Variants in ESYT3 observed in about 807,000 individuals in gnomAD.
The protein encoded by ESYT3 is extended synaptotagmin 3.
In ESYT3, 101 loss-of-function variants were observed where a neutral mutation model predicts 111.5. That is an observed-to-expected ratio of 0.91 (90% CI 0.77 to 1.07). The LOEUF (loss-of-function observed/expected upper bound fraction) is 1.07. Among genes scored for constraint, ESYT3 ranks in the 50% least tolerant of loss-of-function variants. The pLI, the probability that ESYT3 is intolerant of heterozygous loss-of-function variation, is 0.00. For missense variants in ESYT3, 1,097 were observed against 1,109.4 expected (o/e 0.99, Z 0.16); for synonymous variants, 416 against 446.8 (o/e 0.93, Z 0.87).
intron 1 of ESYT3, among the ~76,000 whole-genome samples, chr3:138,448,474 A>T (rs947043830): frequency 4.7e-5 from 7 of 149,030 alleles, no homozygotes; most frequent in African/African-American, 1.5e-4. Flanking sequence ...AAAAGATGCA[A>T]TTTTTTTTTT....
intron 19 of ESYT3, 79 bp downstream of exon 19, chr3:138,473,713 T>G: frequency 8.3e-7 from 1 of 1,206,984 alleles, no homozygotes; most frequent in South Asian, 1.3e-5. Context: ...CTCAGAGCAA[T>G]GAAAAGGGCA....
At chr3:138,436,964 C>T (rs189739979) in intron 1 of ESYT3, among the ~76,000 whole-genome samples, 1 of 151,070 alleles carries the variant, frequency 6.6e-6, no homozygotes, top group Admixed American at 6.6e-5. Context: ...CCCTGCCTCT[C>T]CCCCACATAC....
At chr3:138,441,313 G>A (rs920114136) in intron 1 of ESYT3, among the ~76,000 whole-genome samples, 7 of 152,212 alleles carry the variant, frequency 4.6e-5, no homozygotes, top group African/African-American at 1.7e-4. Context: ...TCAGCCAGGG[G>A]CCTGAGGCCC....
chr3:138,472,262 T>G, intron 17 of ESYT3, 101 bp from the exon 18 acceptor site: 1 of 1,476,734 alleles, frequency 6.8e-7, no homozygotes, highest in Non-Finnish European at 9.1e-7. Context: ...AGGAAGGGTC[T>G]TTATAATTCA....
Position 138,478,205 on chromosome 3 carries a change from C to G in ESYT3, c.*1351C>G, listed in dbSNP as rs923115720. On this transcript the variant is annotated 3_prime_UTR_variant, in exon 23 of 23. Transcript: ENST00000389567. Reference sequence around the variant, plus strand: ...ATTAGGCATCTGCTAAGGTTACATGCTAAGCAGCTACTTATATTGTATTTG... The same window carrying G: ...ATTAGGCATCTGCTAAGGTTACATGGTAAGCAGCTACTTATATTGTATTTG... 1.3e-5 allele frequency: 2 copies of G among 152,194 alleles called. No homozygotes were observed. The highest frequency in any genetic ancestry group is 6.5e-5 in the Admixed American group (1 of 15,284). 9.4% of individuals were successfully genotyped at this position (152,194 alleles called of 1,614,324 possible).
intron 1 of ESYT3, among the ~76,000 whole-genome samples, chr3:138,444,139 A>G (rs865807130): frequency 3.9e-5 from 6 of 152,200 alleles, no homozygotes; most frequent in Admixed American, 6.5e-5. Context: ...TTCTCTCTAA[A>G]TTCTCATCAC....
chr3:138,457,787 C>G (rs2032383747), intron 4 of ESYT3, 143 bp downstream of exon 4: 1 of 790,574 alleles, frequency 1.3e-6, no homozygotes, highest in African/African-American at 1.7e-5. Flanking sequence ...CCAGCTTCTC[C>G]CATCCCCTGG....
chr3:138,464,582 C>T (rs1405994814), intron 9 of ESYT3, 67 bp downstream of exon 9: 1 of 1,534,550 alleles, frequency 6.5e-7, no homozygotes, highest in African/African-American at 1.4e-5. Flanking sequence ...AATCCAGGGG[C>T]AACACTAGGC....
intron 19 of ESYT3, 112 bp from the exon 20 acceptor site, chr3:138,474,109 T>A: frequency 7.1e-7 from 1 of 1,400,834 alleles, no homozygotes; most frequent in East Asian, 2.3e-5. Context: ...TATAGCCTTC[T>A]CTCAAATGTT....
At position 138,455,398 on chromosome 3, in the gene ESYT3, C is replaced by A. The variant is rs2032215007; in HGVS notation, c.504+70C>A. The A allele has an allele frequency of 4.5e-6, 7 of 1,561,888 alleles. No individual in the cohort carries two copies. The Admixed American group carries it at 1.0e-4, about 23-fold the overall frequency. Reference sequence around the variant, plus strand: ...TTCTCTCTGTTCCCTCTCCTCCCACCTTTCTCCCACCCAGGTCAGTCATAT... The same window carrying A: ...TTCTCTCTGTTCCCTCTCCTCCCACATTTCTCCCACCCAGGTCAGTCATAT... On this transcript the variant is annotated intron_variant, in intron 3 of 22. Transcript: ENST00000389567.
intron 13 of ESYT3, 21 bp downstream of exon 13, chr3:138,468,738 A>G (rs771385311): frequency 1.2e-6 from 2 of 1,613,864 alleles, no homozygotes; most frequent in Non-Finnish European, 1.7e-6. Flanking sequence ...ACATGTCCAG[A>G]GTGTCACACA....
intron 14 of ESYT3, 106 bp downstream of exon 14, chr3:138,468,987 G>T: frequency 3.3e-6 from 4 of 1,210,490 alleles, no homozygotes; most frequent in Non-Finnish European, 3.7e-6. Context: ...TGCACACACA[G>T]CCTGGGGATA....
rs993629444 is a variant in ESYT3 at position 138,472,773 on chromosome 3, G to A, written c.2151G>A (p.Pro717=). The A allele has an allele frequency of 2.1e-5, 34 of 1,614,028 alleles. No homozygotes were observed. Among genetic ancestry groups the A allele is most frequent in the African/African-American group, 1.1e-4 (8 of 74,932 alleles). Residue 717 remains proline, a synonymous_variant, in exon 18 of 23, where the codon CCG becomes CCA. Transcript: ENST00000389567. ...GCCCTGCCTCCCCATTCGCATGGCC[G>A]CCCAAGAGGCTGGCTCCCAGCATGT... The part of the protein sequence containing the change: ...MKCPASPFAW[P]PKRLAPSMSS...
chr3:138,461,790 C>T (rs1176717271), intron 7 of ESYT3, among the ~76,000 whole-genome samples: 1 of 152,188 alleles, frequency 6.6e-6, no homozygotes, highest in Non-Finnish European at 1.5e-5. Flanking sequence ...GATTCTAACA[C>T]AGGCTTCAGC....
At position 138,470,997 on chromosome 3, in the gene ESYT3, A is replaced by G; in HGVS notation, c.1711A>G (p.Ser571Gly). 1 of 1,614,148 alleles carries G rather than the reference A, an allele frequency of 6.2e-7. No individual in the cohort carries two copies. Among genetic ancestry groups the G allele is most frequent in the Non-Finnish European group, 8.5e-7 (1 of 1,180,032 alleles). ...TCAGCTGGACCACTCAGGCCTGGAC[A>G]GCCTCATCTCCATGAGGCTGGTGCT... ...RFQLDHSGLD[S>G]LISMRLVLRF... is the part of the protein sequence containing the mutation. Residue 571 changes from serine (S) to glycine (G), a missense_variant, in exon 17 of 23, where the codon AGC (serine) becomes GGC (glycine). Ser to Gly is a moderately conservative substitution (Grantham distance 56). Coordinates refer to ENST00000389567, the MANE Select transcript of ESYT3 (RefSeq NM_031913.5).
chr3:138,436,417 T>C (rs2030695329), intron 1 of ESYT3, among the ~76,000 whole-genome samples: 2 of 152,214 alleles, frequency 1.3e-5, no homozygotes, highest in African/African-American at 4.8e-5. Context: ...TTAACTTAAT[T>C]ACCACTTTAA....
chr3:138,434,875 G>T lies in ESYT3; in HGVS notation c.77G>T (p.Arg26Leu). The T allele has an allele frequency of 1.3e-6, 2 of 1,550,062 alleles. No individual in the cohort carries two copies. Among genetic ancestry groups the T allele is most frequent in the Non-Finnish European group, 1.7e-6 (2 of 1,146,960 alleles). Residue 26 changes from arginine (R) to leucine (L), a missense_variant, in exon 1 of 23, where the codon CGC (arginine) becomes CTC (leucine). By Grantham distance (102) the Arg-to-Leu change is moderately radical. Transcript: ENST00000389567. ...CAGCGCACGCCGGGCCCCGAGCTGC[G>T]CCTGTCCAGCCAGCTGCTGCCCGAG... is the stretch of plus-strand genomic sequence containing the variant. ...GAQRTPGPEL[R>L]LSSQLLPELC...
rs556269512 is a variant in ESYT3 at position 138,446,306 on chromosome 3, TCAGA to T, written c.328-5736_328-5733del. Among the ~76,000 whole-genome samples, 771 of 152,302 alleles carry T rather than the reference TCAGA, an allele frequency of 5.1e-3. 11 individuals carry two copies. Among genetic ancestry groups the T allele is most frequent in the Non-Finnish European group, 6.6e-3 (446 of 68,024 alleles). On this transcript the variant is annotated intron_variant, in intron 1 of 22. Transcript: ENST00000389567. The stretch of plus-strand genomic sequence containing the variant: ...AAGTGGAAAAGCACAGACTCTGTGG[TCAGA>T]CAGACCCAGGCTTGGGTCTCCGTTC...
At chr3:138,457,675 G>T in intron 4 of ESYT3, 31 bp downstream of exon 4, 1 of 1,604,060 alleles carries the variant, frequency 6.2e-7, no homozygotes, top group Non-Finnish European at 8.5e-7. Flanking sequence ...TATGGGCTTC[G>T]GGGTGCAGGG....
Sources: gnomAD v4.1 joint callset for allele counts (sites outside exome capture counted in the v4.1 genomes callset) on GRCh38, gnomAD v4.1.1 for gene constraint, MANE v1.5 for transcripts, NCBI Gene and HGNC (gene_info 2026-07-23, HGNC 2026-07-21) for gene names.